The following LIPH variants were observed in gnomAD, a reference collection of about 807,000 sequenced individuals.
LIPH encodes lipase H.
A neutral mutation model predicts 47.6 loss-of-function variants in LIPH; 32 were observed. The observed-to-expected ratio is 0.67, with a 90% CI of 0.51 to 0.90. LIPH has a LOEUF of 0.90. Ranked by LOEUF, LIPH falls within the 40% of genes least tolerant of loss-of-function variation. The pLI is 0.00. For synonymous variants in LIPH, 190 were observed against 195.6 expected, an observed-to-expected ratio of 0.97 and a Z score of 0.24; for missense variants, 497 against 541.4, an observed-to-expected ratio of 0.92 and a Z score of 0.81.
rs368077903 is a variant in LIPH, at chr3:185,534,783, T to G, written c.399A>C (p.Glu133Asp). 1 of 1,613,790 alleles carries G rather than the reference T, an allele frequency of 6.2e-7. No homozygotes were observed. Among genetic ancestry groups the G allele is most frequent in the Non-Finnish European group, 8.5e-7 (1 of 1,179,914 alleles). Residue 133 changes from glutamate to aspartate, a missense_variant, in exon 2 of 10, where the codon GAA becomes GAC. Transcript: ENST00000296252. ...KTRKVAMVLK[E>D]FIDQMLAEGA... The stretch of plus-strand genomic sequence containing the variant: ...CTCTTACCAACATCTGGTCAATAAA[T>G]TCCTTCAAGACCATGGCTACTTTTC...
In LIPH at chr3:185,507,436, C is replaced by T. The variant is rs543408977; in HGVS notation, c.*1354G>A. 1 of 152,228 alleles carries T rather than the reference C, an allele frequency of 6.6e-6. No individual in the cohort carries two copies. The highest frequency in any genetic ancestry group is 6.5e-5 in the Admixed American group (1 of 15,288). 9.4% of individuals were successfully genotyped at this position (152,228 alleles called of 1,614,324 possible). On this transcript the variant is annotated 3_prime_UTR_variant, in exon 10 of 10. Transcript: ENST00000296252. ...CAGATAGCAGTTGAAGGAGCAATCACTTGGGTGAAGAGGAGGTGACTGGGC... is the reference window on the plus strand; with the variant it reads ...CAGATAGCAGTTGAAGGAGCAATCATTTGGGTGAAGAGGAGGTGACTGGGC...
At chr3:185,548,182 G>A (rs897514026) in intron 1 of LIPH, among the ~76,000 whole-genome samples, 3 of 152,100 alleles carry the variant, frequency 2.0e-5, no homozygotes, top group South Asian at 2.1e-4. Flanking sequence ...CGAGGCGGGC[G>A]AATCACCAGG....
At chr3:185,529,932 A>AAGAGAGAAAGAG (rs1560165114) in intron 3 of LIPH, among the ~76,000 whole-genome samples, 16 of 48,140 alleles carry the variant, frequency 3.3e-4, no homozygotes, top group African/African-American at 7.7e-4. Flanking sequence ...GAAAGAAAGA[A>AAGAGAGAAAGAG]AGAAAGAAAG....
intron 1 of LIPH, among the ~76,000 whole-genome samples, chr3:185,542,054 G>A (rs537107845): frequency 6.6e-6 from 1 of 152,154 alleles, no homozygotes; most frequent in African/African-American, 2.4e-5. Flanking sequence ...ACCGTGCCTG[G>A]CCATATTTGT....
chr3:185,539,041 G>A (rs1034956961), intron 1 of LIPH, among the ~76,000 whole-genome samples: 2 of 151,280 alleles, frequency 1.3e-5, no homozygotes, highest in African/African-American at 4.9e-5. Flanking sequence ...TGTGATCTCG[G>A]CTCACTGCAA....
At chr3:185,517,847 A>G (rs1341749599) in intron 6 of LIPH, among the ~76,000 whole-genome samples, 1 of 152,184 alleles carries the variant, frequency 6.6e-6, no homozygotes, top group African/African-American at 2.4e-5. Context: ...CCTTTTGGAA[A>G]AAAAATAGAA....
At chr3:185,542,527 C>A (rs7651959) in intron 1 of LIPH, among the ~76,000 whole-genome samples, 1 of 151,314 alleles carries the variant, frequency 6.6e-6, no homozygotes, top group African/African-American at 2.4e-5. Context: ...ATGTTGTCCA[C>A]GCTGGTCTCG....
At chr3:185,538,969 T>TA (rs201803088) in intron 1 of LIPH, among the ~76,000 whole-genome samples, 18,587 of 146,896 alleles carry the variant, frequency 0.13, 1,475 homozygotes, top group Middle Eastern at 0.19. Context: ...ATATATATAT[T>TA]TTTTTTTATT....
chr3:185,515,876 A>C (rs78127176), intron 7 of LIPH, among the ~76,000 whole-genome samples: 4 of 152,138 alleles, frequency 2.6e-5, no homozygotes, highest in Non-Finnish European at 4.4e-5. Context: ...ATGGAAGTTC[A>C]CACCTGTAAT....
Position 185,519,092 on chromosome 3 carries a change from C to T in LIPH, c.886+50G>A, listed in dbSNP as rs941504580. The T allele has an allele frequency of 1.2e-5, 18 of 1,521,038 alleles. No individual in the cohort carries two copies. The Admixed American group carries it at 2.8e-4, about 24-fold the overall frequency. 94.2% of individuals were successfully genotyped at this position (1,521,038 alleles called of 1,614,324 possible). On this transcript the variant is annotated intron_variant, in intron 6 of 9. Transcript: ENST00000296252. ...GATAAAGTGGTTCTGGGATTCATAC[C>T]AAAAATTAGTTCTTTGTGAATCAGA...
At position 185,517,065 on chromosome 3, in the gene LIPH, A is replaced by G; in HGVS notation, c.982+2T>C. The G allele has an allele frequency of 6.3e-6, 10 of 1,597,060 alleles. No homozygotes were observed. Among genetic ancestry groups the G allele is most frequent in the Non-Finnish European group, 7.7e-6 (9 of 1,164,514 alleles). ...AAGCCAACAACCACATTCACCACTC[A>G]CTGCAGAATGGGCTCTCCTCAGCTG... On this transcript the variant is annotated splice_donor_variant, in intron 7 of 9. Transcript: ENST00000296252. LOFTEE classifies it high-confidence loss of function.
chr3:185,540,459 T>C (rs1310646210), intron 1 of LIPH, among the ~76,000 whole-genome samples: 2 of 152,196 alleles, frequency 1.3e-5, no homozygotes, highest in Admixed American at 6.5e-5. Context: ...GGCTCACTCC[T>C]GTAATCCCAG....
chr3:185,542,151 C>T (rs1720734883), intron 1 of LIPH, among the ~76,000 whole-genome samples: 1 of 151,994 alleles, frequency 6.6e-6, no homozygotes, highest in Non-Finnish European at 1.5e-5. Context: ...TGTAGAGTGG[C>T]GAAAAATTTG....
intron 3 of LIPH, among the ~76,000 whole-genome samples, chr3:185,528,338 G>GAAAGAAAGAAAGAAATT (rs1293021939): frequency 6.7e-6 from 1 of 150,000 alleles, no homozygotes; most frequent in Non-Finnish European, 1.5e-5. Context: ...AAGAAAGAAA[G>GAAAGAAAGAAAGAAATT]AAAGAAAGAA....
chr3:185,533,335 T>C (rs1720396148), intron 3 of LIPH, among the ~76,000 whole-genome samples: 1 of 152,210 alleles, frequency 6.6e-6, no homozygotes, highest in Non-Finnish European at 1.5e-5. Context: ...ATAAAGTCAC[T>C]ACTCATCTTT....
In LIPH at chr3:185,507,295, C is replaced by G. The variant is rs1719407872; in HGVS notation, c.*1495G>C. On this transcript the variant is annotated 3_prime_UTR_variant, in exon 10 of 10. Coordinates refer to ENST00000296252, the MANE Select transcript of LIPH (RefSeq NM_139248.3). The stretch of plus-strand genomic sequence containing the variant: ...GCTGAGGCAGGAGAATCAATTGAAC[C>G]TGGGAGGTGGAGGTTGCAGTGAGCT... The G allele has an allele frequency of 6.6e-6, 1 of 151,408 alleles. No individual in the cohort carries two copies. The highest frequency in any genetic ancestry group is 6.6e-5 in the Admixed American group (1 of 15,174). 9.4% of individuals were successfully genotyped at this position (151,408 alleles called of 1,614,324 possible). A position where few individuals can be genotyped will look rare whatever the true frequency, so the allele number is the denominator to read the frequency against.
intron 3 of LIPH, among the ~76,000 whole-genome samples, chr3:185,532,642 T>C (rs1347234228): frequency 6.6e-6 from 1 of 151,916 alleles, no homozygotes; most frequent in Non-Finnish European, 1.5e-5. Flanking sequence ...ATACAAAAAT[T>C]AGCCAAGAGT....
intron 1 of LIPH, among the ~76,000 whole-genome samples, chr3:185,549,044 T>C (rs1182996191): frequency 6.6e-6 from 1 of 151,790 alleles, no homozygotes; most frequent in Non-Finnish European, 1.5e-5. Flanking sequence ...AGGCAGAGAA[T>C]TGCTTGAACC....
At chr3:185,551,254 T>C (rs57370446) in intron 1 of LIPH, among the ~76,000 whole-genome samples, 7,305 of 152,306 alleles carry the variant, frequency 0.048, 287 homozygotes, top group East Asian at 0.24. Context: ...GGTATGATTT[T>C]AACTTACTAG....
Sources: gnomAD v4.1 joint callset for allele counts (sites outside exome capture counted in the v4.1 genomes callset) on GRCh38, gnomAD v4.1.1 for gene constraint, MANE v1.5 for transcripts, NCBI Gene and HGNC (gene_info 2026-07-23, HGNC 2026-07-21) for gene names.